PDE4D: variants seen among roughly 807,000 people sequenced by gnomAD.
PDE4D encodes 3',5'-cyclic-AMP phosphodiesterase 4D.
Under a neutral mutation model 87.4 loss-of-function variants are expected in PDE4D, and 24 were observed. The observed-to-expected ratio is 0.27, with a 90% confidence interval of 0.20 to 0.39. The LOEUF is 0.39. Among genes scored for constraint, PDE4D ranks in the 10% least tolerant of loss-of-function variants. The probability of loss-of-function intolerance (pLI) is 1.00; values close to 1 mark genes in which losing one functional copy is unlikely to be tolerated. For synonymous variants in PDE4D, 384 were observed against 383.2 expected, an observed-to-expected ratio of 1.00 and a Z score of -0.02; for missense variants, 714 against 1,041.0, an observed-to-expected ratio of 0.69 and a Z score of 4.32.
intron 1 of PDE4D, among the ~76,000 whole-genome samples, chr5:60,368,257 T>A (rs532681459): frequency 2.2e-4 from 33 of 152,330 alleles, no homozygotes; most frequent in Admixed American, 1.9e-3. Flanking sequence ...TGGCTTCACA[T>A]TCCTCAGCAA....
At chr5:59,819,287 C>T (rs971657310) in intron 1 of PDE4D, among the ~76,000 whole-genome samples, 2 of 152,184 alleles carry the variant, frequency 1.3e-5, no homozygotes, top group African/African-American at 4.8e-5. Context: ...GCCTTCTCAA[C>T]GCCTGGTAAA....
chr5:60,165,075 T>A (rs1274745316), intron 2 of PDE4D, among the ~76,000 whole-genome samples: 2 of 152,192 alleles, frequency 1.3e-5, no homozygotes, highest in African/African-American at 4.8e-5. Flanking sequence ...TACCATTTAC[T>A]TCTTTATTTC....
intron 6 of PDE4D, among the ~76,000 whole-genome samples, chr5:59,021,564 C>T (rs1037809037): frequency 6.6e-6 from 1 of 152,198 alleles, no homozygotes; most frequent in African/African-American, 2.4e-5. Flanking sequence ...GTCCCCACCA[C>T]ACTACATAAT....
chr5:59,089,742 C>T (rs953561924), intron 5 of PDE4D, among the ~76,000 whole-genome samples: 3 of 152,086 alleles, frequency 2.0e-5, no homozygotes, highest in Non-Finnish European at 4.4e-5. Context: ...TAGTAGAGTG[C>T]ATTTAAGGAT....
intron 1 of PDE4D, among the ~76,000 whole-genome samples, chr5:59,572,350 A>C (rs1463951130): frequency 6.6e-6 from 1 of 152,202 alleles, no homozygotes; most frequent in African/African-American, 2.4e-5. Context: ...TTTTTTAATA[A>C]GAAACATATT....
intron 3 of PDE4D, among the ~76,000 whole-genome samples, chr5:59,962,429 T>C (rs905867996): frequency 6.6e-6 from 1 of 151,864 alleles, no homozygotes; most frequent in Non-Finnish European, 1.5e-5. Context: ...GACAAACTGG[T>C]AAAAGAATAC....
intron 2 of PDE4D, among the ~76,000 whole-genome samples, chr5:60,074,589 T>C (rs1773078788): frequency 6.6e-6 from 1 of 152,164 alleles, no homozygotes; most frequent in South Asian, 2.1e-4. Context: ...AATGATCTAA[T>C]ACTGTCAGTG....
intron 1 of PDE4D, among the ~76,000 whole-genome samples, chr5:60,401,645 A>G (rs1173297628): frequency 6.6e-6 from 1 of 152,200 alleles, no homozygotes; most frequent in East Asian, 1.9e-4. Context: ...TCCAGGCCGC[A>G]TCTCAGGAGT....
chr5:59,511,637 T>C (rs996357096), intron 1 of PDE4D, among the ~76,000 whole-genome samples: 1 of 152,022 alleles, frequency 6.6e-6, no homozygotes, highest in Non-Finnish European at 1.5e-5. Flanking sequence ...AAGTATAAAA[T>C]TCCTTAAAAT....
At chr5:59,394,965 G>T (rs1789059271) in intron 1 of PDE4D, among the ~76,000 whole-genome samples, 3 of 152,112 alleles carry the variant, frequency 2.0e-5, no homozygotes, top group Admixed American at 2.0e-4. Flanking sequence ...AAAGAAAGGG[G>T]TGACGGATGG....
intron 1 of PDE4D, among the ~76,000 whole-genome samples, chr5:60,430,555 T>TG (rs1283061749): frequency 6.6e-6 from 1 of 151,210 alleles, no homozygotes; most frequent in African/African-American, 2.4e-5. Context: ...GTTTGTTTTT[T>TG]TTTTTTATTG....
In PDE4D at chr5:59,597,228, A is replaced by G. The variant is rs569884680; in HGVS notation, c.455+295940T>C. On this transcript the variant is annotated intron_variant, in intron 1 of 14. Transcript: ENST00000340635. ...ATAAATTATTTCCTTCCCTCCTGAA[A>G]TAAAGTCATTTAAAATTAATGCTAT... 2.0e-5 allele frequency among the ~76,000 whole-genome samples: 3 copies of G among 152,292 alleles called. No homozygotes were observed. The East Asian group carries it at 5.8e-4, about 29-fold the overall frequency.
chr5:59,988,635 G>A, exon 3 of PDE4D: 1 of 1,599,310 alleles, frequency 6.3e-7, no homozygotes, highest in Non-Finnish European at 8.5e-7. Flanking sequence ...ATTGCGACAT[G>A]AAAGTCTCCG....
chr5:60,490,396 C>T (rs1749469014), upstream of PDE4D: 1 of 152,184 alleles, frequency 6.6e-6, no homozygotes, highest in African/African-American at 2.4e-5. Context: ...CACCCTGAGC[C>T]ACCATAATAT....
At chr5:59,854,746 TAG>T (rs1745175795) in intron 1 of PDE4D, among the ~76,000 whole-genome samples, 1 of 152,026 alleles carries the variant, frequency 6.6e-6, no homozygotes, top group Non-Finnish European at 1.5e-5. Context: ...CCCTATATAA[TAG>T]AGACAAGTAA....
At chr5:59,785,856 C>G (rs946385981) in intron 1 of PDE4D, among the ~76,000 whole-genome samples, 39 of 152,278 alleles carry the variant, frequency 2.6e-4, no homozygotes, top group Middle Eastern at 3.4e-3. Context: ...TGTGATGCAA[C>G]TCCTGCATTT....
intron 1 of PDE4D, among the ~76,000 whole-genome samples, chr5:59,756,590 G>A (rs1761264176): frequency 6.6e-6 from 1 of 150,778 alleles, no homozygotes; most frequent in Non-Finnish European, 1.5e-5. Context: ...TAATCATTGA[G>A]TTCAAAGTTT....
At chr5:59,256,022 T>C (rs1337190803) in intron 1 of PDE4D, among the ~76,000 whole-genome samples, 2 of 152,110 alleles carry the variant, frequency 1.3e-5, no homozygotes, top group African/African-American at 2.4e-5. Context: ...TTTGTACATA[T>C]ATTTTTTGCA....
At chr5:59,490,947 C>T (rs573796499) in intron 1 of PDE4D, among the ~76,000 whole-genome samples, 9 of 151,980 alleles carry the variant, frequency 5.9e-5, no homozygotes, top group South Asian at 4.2e-4. Flanking sequence ...CCACGATCCA[C>T]GTATAGACGA....
Sources: allele counts gnomAD v4.1 joint callset (sites outside exome capture counted in the v4.1 genomes callset), GRCh38; gene constraint gnomAD v4.1.1; transcripts MANE v1.5; gene names NCBI Gene and HGNC (gene_info 2026-07-23, HGNC 2026-07-21).